SLC20A2: variants seen among roughly 807,000 people sequenced by gnomAD.
SLC20A2 encodes solute carrier family 20 member 2.
Under a neutral mutation model 61.0 loss-of-function variants are expected in SLC20A2, and 30 were observed. The ratio of observed to expected loss-of-function variants is 0.49; its 90% CI spans 0.37 to 0.67. The LOEUF is 0.67. Among genes scored for constraint, SLC20A2 ranks in the 30% least tolerant of loss-of-function variants. The pLI, the probability that SLC20A2 is intolerant of heterozygous loss-of-function variation, is 0.00. For missense variants in SLC20A2, 626 were observed against 866.4 expected, an observed-to-expected ratio of 0.72 and a Z score of 3.48; for synonymous variants, 351 against 353.3, an observed-to-expected ratio of 0.99 and a Z score of 0.07.
At chr8:42,445,174 C>T (rs1403106367) in intron 5 of SLC20A2, among the ~76,000 whole-genome samples, 1 of 152,074 alleles carries the variant, frequency 6.6e-6, no homozygotes, top group Non-Finnish European at 1.5e-5. Context: ...TGCCTGTAAT[C>T]CCAGCTACTC....
rs894364970 is a variant in SLC20A2, at chr8:42,452,732, G to GAGGAGGCCGC, written c.613+7154_613+7163dup. Among the ~76,000 whole-genome samples the GAGGAGGCCGC allele has an allele frequency of 3.3e-5, 5 of 151,836 alleles. No homozygotes were observed. In the East Asian group the frequency reaches 7.7e-4, roughly 23 times the overall value. ...AAGAGATGAAGAGGAGGAGGAGGGG[G>GAGGAGGCCGC]AGGAGGCCGCAGGAGGCCGCAGAGG... On this transcript the variant is annotated intron_variant, in intron 5 of 10. Coordinates refer to ENST00000520262, the MANE Select transcript of SLC20A2 (RefSeq NM_001257180.2).
At chr8:42,536,081 A>G (rs1262581081) in intron 1 of SLC20A2, among the ~76,000 whole-genome samples, 1 of 152,210 alleles carries the variant, frequency 6.6e-6, no homozygotes, top group Non-Finnish European at 1.5e-5. Context: ...CTAACGTGCA[A>G]ATTGGATAAA....
chr8:42,473,150 T>C (rs1807781147), intron 1 of SLC20A2, among the ~76,000 whole-genome samples: 1 of 152,190 alleles, frequency 6.6e-6, no homozygotes, highest in South Asian at 2.1e-4. Context: ...TATATTATCA[T>C]GCATGTGTCT....
chr8:42,515,651 A>G (rs761795605), intron 1 of SLC20A2, among the ~76,000 whole-genome samples: 1 of 151,602 alleles, frequency 6.6e-6, no homozygotes, highest in Non-Finnish European at 1.5e-5. Flanking sequence ...CCTCTAACCC[A>G]CCCCTTCCCC....
At chr8:42,439,767 A>C in intron 6 of SLC20A2, 114 bp from the exon 7 acceptor site, 1 of 810,160 alleles carries the variant, frequency 1.2e-6, no homozygotes, top group Non-Finnish European at 1.9e-6. Flanking sequence ...TTGGAAACAA[A>C]AAAAAAAGTT....
At chr8:42,515,442 GA>G (rs1486966516) in intron 1 of SLC20A2, among the ~76,000 whole-genome samples, 2 of 152,282 alleles carry the variant, frequency 1.3e-5, no homozygotes, top group East Asian at 3.9e-4. Context: ...ATCAAGAGGT[GA>G]GAGAAGGTGG....
At chr8:42,436,451 G>A (rs190732751) in intron 8 of SLC20A2, among the ~76,000 whole-genome samples, 245 of 152,228 alleles carry the variant, frequency 1.6e-3, no homozygotes, top group Non-Finnish European at 2.9e-3. Context: ...TCTCACATCC[G>A]CATCCAGGCC....
At chr8:42,536,192 C>T (rs1394940189) in intron 1 of SLC20A2, among the ~76,000 whole-genome samples, 1 of 152,192 alleles carries the variant, frequency 6.6e-6, no homozygotes, top group African/African-American at 2.4e-5. Context: ...TTACAAGTTT[C>T]TTTTATGCAG....
chr8:42,449,647 G>T (rs1024797909), intron 5 of SLC20A2, among the ~76,000 whole-genome samples: 3 of 152,136 alleles, frequency 2.0e-5, no homozygotes, highest in African/African-American at 4.8e-5. Context: ...TTGACTCAAT[G>T]CAGATTCTTT....
intron 2 of SLC20A2, 69 bp from the exon 3 acceptor site, chr8:42,465,986 C>T: frequency 1.5e-6 from 2 of 1,378,492 alleles, no homozygotes; most frequent in Non-Finnish European, 2.0e-6. Context: ...GGAAGAAATC[C>T]AAATGTTTTC....
chr8:42,444,557 C>G lies in SLC20A2; in HGVS notation c.730+89G>C. 6 of 971,152 alleles carry G rather than the reference C, an allele frequency of 6.2e-6. No homozygotes were observed. The South Asian group carries it at 8.0e-5, about 13-fold the overall frequency. 60.2% of individuals were successfully genotyped at this position (971,152 alleles called of 1,614,324 possible). ...CTGGAGTCACCCACACTTCCATTTC[C>G]TCCATTAGTAAGGATCATGGCATGT... On this transcript the variant is annotated intron_variant, in intron 6 of 10. Coordinates refer to ENST00000520262, the MANE Select transcript of SLC20A2 (RefSeq NM_001257180.2).
chr8:42,479,756 C>T (rs967556246), intron 1 of SLC20A2, among the ~76,000 whole-genome samples: 2 of 152,050 alleles, frequency 1.3e-5, no homozygotes, highest in African/African-American at 4.8e-5. Flanking sequence ...ACCTGGGAGG[C>T]AGAGGTTGCA....
chr8:42,520,288 A>T (rs1811567473), intron 1 of SLC20A2, among the ~76,000 whole-genome samples: 1 of 151,300 alleles, frequency 6.6e-6, no homozygotes, highest in South Asian at 2.1e-4. Context: ...TGCTGGGATT[A>T]CAGGCATGAG....
intron 5 of SLC20A2, among the ~76,000 whole-genome samples, chr8:42,459,433 C>T (rs1028130163): frequency 1.3e-5 from 2 of 152,008 alleles, no homozygotes; most frequent in South Asian, 4.2e-4. Flanking sequence ...CTTTAGAGCT[C>T]CGCTGGGCAT....
At chr8:42,443,346 G>A (rs1407557810) in intron 6 of SLC20A2, among the ~76,000 whole-genome samples, 2 of 121,628 alleles carry the variant, frequency 1.6e-5, no homozygotes, top group South Asian at 2.7e-4. Flanking sequence ...ACGGAGTCTC[G>A]CTCCGTCACC....
chr8:42,451,852 A>G (rs1805701867), intron 5 of SLC20A2, among the ~76,000 whole-genome samples: 2 of 125,404 alleles, frequency 1.6e-5, no homozygotes, highest in African/African-American at 3.1e-5. Context: ...AAGAGATGAA[A>G]GAGGAGGAAA....
chr8:42,520,917 G>A (rs1811602331), intron 1 of SLC20A2, among the ~76,000 whole-genome samples: 1 of 120,794 alleles, frequency 8.3e-6, no homozygotes, highest in Non-Finnish European at 2.0e-5. Context: ...CATAAGACAG[G>A]GTTCTATATG....
chr8:42,495,766 TC>T (rs1469207717), intron 1 of SLC20A2, among the ~76,000 whole-genome samples: 3 of 151,802 alleles, frequency 2.0e-5, no homozygotes, highest in African/African-American at 7.2e-5. Context: ...TTTTTTTTTT[TC>T]CAGACAGAGT....
chr8:42,519,305 A>C (rs1486798729), intron 1 of SLC20A2, among the ~76,000 whole-genome samples: 1 of 145,488 alleles, frequency 6.9e-6, no homozygotes, highest in Non-Finnish European at 1.5e-5. Context: ...TTAGCTGGGC[A>C]TGGTGGCATG....
Sources: gnomAD v4.1 joint callset for allele counts (sites outside exome capture counted in the v4.1 genomes callset) on GRCh38, gnomAD v4.1.1 for gene constraint, MANE v1.5 for transcripts, NCBI Gene and HGNC (gene_info 2026-07-23, HGNC 2026-07-21) for gene names.